The following SGCZ variants were observed in gnomAD, a reference collection of about 807,000 sequenced individuals.
SGCZ encodes zeta-sarcoglycan.
Under a neutral mutation model 41.3 loss-of-function variants are expected in SGCZ, and 40 were observed. The observed-to-expected ratio is 0.97, with a 90% confidence interval of 0.75 to 1.26. The LOEUF is 1.26. Among genes scored for constraint, SGCZ ranks in the 50% most tolerant of loss-of-function variants. The probability of loss-of-function intolerance (pLI) is 0.00; values close to 1 mark genes in which losing one functional copy is unlikely to be tolerated. For synonymous variants in SGCZ, 206 were observed against 137.5 expected, an observed-to-expected ratio of 1.50 and a Z score of -3.49; for missense variants, 552 against 369.8, an observed-to-expected ratio of 1.49 and a Z score of -4.04.
Position 15,233,331 on chromosome 8 carries a change from A to G in SGCZ, c.39+4254T>C, listed in dbSNP as rs1343987822. ...AGTGTCTTATTGATTAAACAAACCA[A>G]AAAAAAAAAAAAAAGAAAGAAAGAA... On this transcript the variant is annotated intron_variant, in intron 1 of 7. Coordinates refer to ENST00000382080, the MANE Select transcript of SGCZ (RefSeq NM_139167.4). Among the ~76,000 whole-genome samples, 12 of 140,176 alleles carry G rather than the reference A, an allele frequency of 8.6e-5. No individual in the cohort carries two copies. The East Asian group carries it at 2.5e-3, about 29-fold the overall frequency. The allele number at this position is 140,176 out of a possible 152,430, so 92.0% of individuals were successfully genotyped here. A position where few individuals can be genotyped will look rare whatever the true frequency, so the allele number is the denominator to read the frequency against.
intron 3 of SGCZ, among the ~76,000 whole-genome samples, chr8:14,270,000 A>C (rs1426897636): frequency 1.3e-5 from 2 of 152,186 alleles, no homozygotes; most frequent in Non-Finnish European, 2.9e-5. Context: ...TAAATATTTG[A>C]TGACACAATT....
chr8:15,105,064 G>A (rs1182571469), intron 1 of SGCZ, among the ~76,000 whole-genome samples: 2 of 152,126 alleles, frequency 1.3e-5, no homozygotes, highest in Non-Finnish European at 2.9e-5. Context: ...TTTAAAAAAT[G>A]TTTGCTAACC....
intron 1 of SGCZ, among the ~76,000 whole-genome samples, chr8:15,229,253 C>T (rs1454522405): frequency 6.6e-6 from 1 of 152,038 alleles, no homozygotes; most frequent in East Asian, 1.9e-4. Flanking sequence ...TACTGAGGCA[C>T]ATCTACTGAA....
chr8:14,309,189 C>A, intron 3 of SGCZ: 1 of 1,483,044 alleles, frequency 6.7e-7, no homozygotes, highest in Non-Finnish European at 9.4e-7. Flanking sequence ...ACTTGGCAAG[C>A]AAACCTGCTG....
At chr8:15,182,012 T>G (rs1443633792) in intron 1 of SGCZ, among the ~76,000 whole-genome samples, 1 of 152,152 alleles carries the variant, frequency 6.6e-6, no homozygotes, top group Non-Finnish European at 1.5e-5. Context: ...GGTGCACTCA[T>G]CACTGAGTAT....
chr8:15,106,145 T>C (rs970898167), intron 1 of SGCZ, among the ~76,000 whole-genome samples: 3 of 152,164 alleles, frequency 2.0e-5, no homozygotes, highest in Non-Finnish European at 4.4e-5. Flanking sequence ...GTTAATTTCA[T>C]ATGTTTATTT....
chr8:15,172,152 C>CT (rs1799851364), intron 1 of SGCZ, among the ~76,000 whole-genome samples: 1 of 70,558 alleles, frequency 1.4e-5, no homozygotes, highest in Non-Finnish European at 2.7e-5. Flanking sequence ...CTTTTATACT[C>CT]TGTTTTTTTT....
chr8:14,372,747 T>A (rs561256593), intron 2 of SGCZ, among the ~76,000 whole-genome samples: 2 of 152,084 alleles, frequency 1.3e-5, no homozygotes, highest in Non-Finnish European at 2.9e-5. Context: ...GCAGCCTGCT[T>A]GGAGTATCCG....
At chr8:14,591,405 G>A (rs557944116) in intron 1 of SGCZ, among the ~76,000 whole-genome samples, 3 of 151,916 alleles carry the variant, frequency 2.0e-5, no homozygotes, top group Admixed American at 2.0e-4. Flanking sequence ...CATTTCTAGA[G>A]CTCGTGCATT....
intron 1 of SGCZ, among the ~76,000 whole-genome samples, chr8:15,164,639 G>GGT (rs1799601752): frequency 7.1e-6 from 1 of 140,780 alleles, no homozygotes; most frequent in African/African-American, 2.7e-5. Context: ...TTTTAAGCAA[G>GGT]TTTTTTTTTT....
intron 1 of SGCZ, among the ~76,000 whole-genome samples, chr8:15,108,779 G>A (rs182841432): frequency 6.6e-6 from 1 of 152,118 alleles, no homozygotes; most frequent in African/African-American, 2.4e-5. Flanking sequence ...CTACTAACAT[G>A]AATACGTCTA....
chr8:14,146,455 A>G (rs889688264), intron 5 of SGCZ, among the ~76,000 whole-genome samples: 2 of 152,222 alleles, frequency 1.3e-5, no homozygotes, highest in African/African-American at 4.8e-5. Flanking sequence ...TATTTTGACC[A>G]CAAAGAAAAG....
intron 2 of SGCZ, among the ~76,000 whole-genome samples, chr8:14,342,706 A>T (rs1400702376): frequency 6.6e-6 from 1 of 152,182 alleles, no homozygotes; most frequent in African/African-American, 2.4e-5. Context: ...CAGAGCATAA[A>T]GGCTTGGAAA....
chr8:14,430,344 A>C (rs1311590844), intron 2 of SGCZ, among the ~76,000 whole-genome samples: 1 of 152,176 alleles, frequency 6.6e-6, no homozygotes, highest in Admixed American at 6.5e-5. Flanking sequence ...AAGATAATTC[A>C]CCATAATCAA....
intron 1 of SGCZ, among the ~76,000 whole-genome samples, chr8:15,108,134 T>C (rs1259932833): frequency 6.6e-6 from 1 of 152,232 alleles, no homozygotes; most frequent in Non-Finnish European, 1.5e-5. Flanking sequence ...ATTATTTTTA[T>C]CTTGATTAAT....
rs75775639 is a variant in SGCZ at position 14,765,607 on chromosome 8, G to A, written c.40-210681C>T. 7.5e-3 allele frequency among the ~76,000 whole-genome samples: 1,136 copies of A among 152,192 alleles called. 14 individuals carry two copies. The highest frequency in any genetic ancestry group is 0.025 in the African/African-American group (1,050 of 41,512). ...TATTAGCCTTCCATATATCCTACAG[G>A]GAAGGCTGGTGTGCAACAATAAAGA... On this transcript the variant is annotated intron_variant, in intron 1 of 7. Transcript: ENST00000382080.
At chr8:14,874,329 C>A (rs1022563966) in intron 1 of SGCZ, among the ~76,000 whole-genome samples, 1 of 152,082 alleles carries the variant, frequency 6.6e-6, no homozygotes, top group Admixed American at 6.6e-5. Flanking sequence ...AGTTGACTGT[C>A]CAACACTTCT....
chr8:14,512,164 A>C (rs1297535447), intron 2 of SGCZ, among the ~76,000 whole-genome samples: 1 of 152,142 alleles, frequency 6.6e-6, no homozygotes, highest in African/African-American at 2.4e-5. Context: ...GGTACTGACC[A>C]CAGATAATCT....
At chr8:14,600,285 A>G (rs946919942) in intron 1 of SGCZ, among the ~76,000 whole-genome samples, 14 of 152,080 alleles carry the variant, frequency 9.2e-5, no homozygotes, top group Non-Finnish European at 1.6e-4. Context: ...ATTCCTGTGC[A>G]TTTCTCCATC....
Sources: allele counts gnomAD v4.1 joint callset (sites outside exome capture counted in the v4.1 genomes callset), GRCh38; gene constraint gnomAD v4.1.1; transcripts MANE v1.5; gene names NCBI Gene and HGNC (gene_info 2026-07-23, HGNC 2026-07-21).